Variants in ATP11C observed in about 807,000 individuals in gnomAD.
The protein encoded by ATP11C is ATPase phospholipid transporting 11C (ATP11C blood group).
In ATP11C, 36 loss-of-function variants were observed where a neutral mutation model predicts 97.4. The ratio of observed to expected loss-of-function variants is 0.37; its 90% CI spans 0.28 to 0.49. The LOEUF (loss-of-function observed/expected upper bound fraction) is 0.49. Ranked by LOEUF, ATP11C falls within the 20% of genes least tolerant of loss-of-function variation. The pLI is 0.98. For missense variants in ATP11C, 730 were observed against 824.6 expected (o/e 0.89, Z 1.40); for synonymous variants, 275 against 290.9 (o/e 0.95, Z 0.56).
chrX:139,879,697 T>C (rs2084532245), intron 1 of ATP11C, among the ~76,000 whole-genome samples: 1 of 111,950 alleles, frequency 8.9e-6, no homozygotes, highest in African/African-American at 3.2e-5. Flanking sequence ...ATTTATACAA[T>C]CTTTGTCAAT....
chrX:139,805,009 A>C (rs745814920), intron 5 of ATP11C, among the ~76,000 whole-genome samples: 1 of 111,985 alleles, frequency 8.9e-6, no homozygotes, highest in African/African-American at 3.2e-5. Flanking sequence ...GCATACTTCA[A>C]CATACTTTGC....
At chrX:139,865,387 T>C (rs896074187) in intron 1 of ATP11C, among the ~76,000 whole-genome samples, 6 of 111,652 alleles carry the variant, frequency 5.4e-5, no homozygotes, top group African/African-American at 9.8e-5. Flanking sequence ...TTTTAAGATT[T>C]TGTCCTTTAG....
chrX:139,826,807 TTC>T lies in ATP11C; in HGVS notation c.42_43del (p.Lys15ThrfsTer27). On this transcript the variant is annotated frameshift_variant, in exon 2 of 30. Transcript: ENST00000682941. LOFTEE classifies it high-confidence loss of function. ...AAACACTGTGCGTGTGCCAACTCGT[TTC>T]TCTTCTCCAGCACACTGACCAAGAG... 1 of 1,207,468 alleles carries T rather than the reference TTC, an allele frequency of 8.3e-7. No homozygotes were observed. Among genetic ancestry groups the T allele is most frequent in the Non-Finnish European group, 1.1e-6 (1 of 892,809 alleles).
At chrX:139,922,537 G>C (rs980686648) in intron 1 of ATP11C, among the ~76,000 whole-genome samples, 4 of 108,330 alleles carry the variant, frequency 3.7e-5, no homozygotes, top group Non-Finnish European at 7.6e-5. Flanking sequence ...AGTACTAGGA[G>C]GTGAGGCATC....
At chrX:139,740,270 G>A (rs1008351591) in intron 27 of ATP11C, among the ~76,000 whole-genome samples, 1 of 111,541 alleles carries the variant, frequency 9.0e-6, no homozygotes, top group Non-Finnish European at 1.9e-5. Context: ...GTAAAGAAAG[G>A]AGATGCAAAT....
chrX:139,820,827 C>A (rs967427282), intron 2 of ATP11C, among the ~76,000 whole-genome samples: 1 of 111,113 alleles, frequency 9.0e-6, no homozygotes, highest in African/African-American at 3.3e-5. Context: ...CTAGTAAGAC[C>A]AGAAACTAGA....
intron 23 of ATP11C, among the ~76,000 whole-genome samples, chrX:139,756,525 C>T (rs759559799): frequency 2.7e-5 from 3 of 111,419 alleles, no homozygotes; most frequent in African/African-American, 3.3e-5. Flanking sequence ...CACATATACA[C>T]GTTTACTGCA....
chrX:139,733,136 T>G (rs1428404394), intron 28 of ATP11C, among the ~76,000 whole-genome samples: 1 of 112,274 alleles, frequency 8.9e-6, no homozygotes. Flanking sequence ...TTCCCTGTTT[T>G]TCCTACAGAG....
chrX:139,935,651 A>G (rs1345754874), upstream of ATP11C, among the ~76,000 whole-genome samples: 1 of 111,574 alleles, frequency 9.0e-6, no homozygotes, highest in Non-Finnish European at 1.9e-5. Context: ...ATTTATTTCA[A>G]TACGCCACCT....
chrX:139,869,264 C>T lies in ATP11C; in HGVS notation c.28-42441G>A, dbSNP rs776128033. ...ATGGATAAAGAAAACGTGGTATATT[C>T]GTATCTGATTGAATTGGAACCTGTC... On this transcript the variant is annotated intron_variant, in intron 1 of 29. Transcript: ENST00000682941. Among the ~76,000 whole-genome samples the T allele has an allele frequency of 1.5e-4, 17 of 111,688 alleles. No individual in the cohort carries two copies. In the South Asian group the frequency reaches 4.9e-3, roughly 32 times the overall value.
intron 8 of ATP11C, 99 bp from the exon 9 acceptor site, chrX:139,798,842 C>A: frequency 1.7e-6 from 1 of 589,999 alleles, no homozygotes; most frequent in Non-Finnish European, 2.8e-6. Flanking sequence ...CCAAGGGGTT[C>A]AGAATGTTAT....
intron 1 of ATP11C, among the ~76,000 whole-genome samples, chrX:139,862,585 G>C (rs757478894): frequency 1.8e-5 from 2 of 111,992 alleles, no homozygotes; most frequent in African/African-American, 6.5e-5. Context: ...TTGTTGGTGT[G>C]AGAGCAGAGC....
At chrX:139,812,631 A>C (rs779277906) in intron 5 of ATP11C, among the ~76,000 whole-genome samples, 1 of 108,481 alleles carries the variant, frequency 9.2e-6, no homozygotes. Context: ...CGCAGCCTCA[A>C]CTTTTTGGGC....
intron 18 of ATP11C, among the ~76,000 whole-genome samples, chrX:139,780,429 C>G (rs112245621): frequency 9.2e-6 from 1 of 108,608 alleles, no homozygotes; most frequent in African/African-American, 3.4e-5. Flanking sequence ...TCACCACGTA[C>G]GTAAAATTAA....
chrX:139,803,100 T>C (rs1453412833), intron 6 of ATP11C, among the ~76,000 whole-genome samples: 1 of 111,808 alleles, frequency 8.9e-6, no homozygotes, highest in Admixed American at 9.5e-5. Context: ...CTGAACTATA[T>C]TTAAAACTAT....
chrX:139,903,351 A>G (rs1425066131), intron 1 of ATP11C, among the ~76,000 whole-genome samples: 2 of 109,668 alleles, frequency 1.8e-5, no homozygotes, highest in Non-Finnish European at 3.8e-5. Context: ...TTCTTATTGT[A>G]GGTCTTAAGA....
At chrX:139,833,809 A>G (rs1343034876) in intron 1 of ATP11C, among the ~76,000 whole-genome samples, 2 of 111,712 alleles carry the variant, frequency 1.8e-5, no homozygotes, top group African/African-American at 6.5e-5. Context: ...TTTTTCTTCA[A>G]AATGAGACCT....
intron 1 of ATP11C, among the ~76,000 whole-genome samples, chrX:139,871,032 C>T (rs2084365722): frequency 2.2e-5 from 2 of 91,857 alleles, no homozygotes; most frequent in African/African-American, 4.1e-5. Flanking sequence ...GTCCGCAGTC[C>T]GACCTGGGCG....
At chrX:139,754,015 C>A (rs778272869) in intron 23 of ATP11C, among the ~76,000 whole-genome samples, 2 of 110,218 alleles carry the variant, frequency 1.8e-5, no homozygotes, top group African/African-American at 6.6e-5. Context: ...AAAAACCATA[C>A]AAAAGACCAA....
Sources: allele counts gnomAD v4.1 joint callset (sites outside exome capture counted in the v4.1 genomes callset), GRCh38; gene constraint gnomAD v4.1.1; transcripts MANE v1.5; gene names NCBI Gene and HGNC (gene_info 2026-07-23, HGNC 2026-07-21).